Variants in PTGER3 observed in about 807,000 individuals in gnomAD.
PTGER3 encodes the protein prostaglandin E receptor 3, also known as prostaglandin E2 receptor EP3 subtype.
PTGER3 carries 22 observed loss-of-function variants against 34.7 expected under a neutral mutation model. That is an observed-to-expected ratio of 0.63 (90% confidence interval 0.45 to 0.91). The LOEUF is 0.91. Ranked by LOEUF, PTGER3 falls within the 40% of genes least tolerant of loss-of-function variation. PTGER3 has a pLI of 0.00. For missense variants in PTGER3, 468 were observed against 519.4 expected, an observed-to-expected ratio of 0.90 and a Z score of 0.96; for synonymous variants, 241 against 230.1, an observed-to-expected ratio of 1.05 and a Z score of -0.43.
intron 4 of PTGER3, among the ~76,000 whole-genome samples, chr1:70,894,866 C>T (rs999048147): frequency 5.3e-5 from 8 of 152,150 alleles, no homozygotes; most frequent in African/African-American, 1.9e-4. Flanking sequence ...AGCTGAATGG[C>T]AAAGTTGGGG....
At chr1:70,857,568 C>T (rs747281390) in intron 4 of PTGER3, among the ~76,000 whole-genome samples, 5 of 152,060 alleles carry the variant, frequency 3.3e-5, no homozygotes, top group Non-Finnish European at 5.9e-5. Flanking sequence ...CAGAGTCTCA[C>T]TCTGTCGCCC....
chr1:71,024,040 T>C lies in PTGER3; in HGVS notation c.898-11556A>G, dbSNP rs186701022. 1.8e-3 allele frequency among the ~76,000 whole-genome samples: 273 copies of C among 152,248 alleles called. 9 individuals are homozygous for C. Among genetic ancestry groups the C allele is most frequent in the African/African-American group, 6.3e-3 (261 of 41,508 alleles). On this transcript the variant is annotated intron_variant, in intron 1 of 3. Transcript: ENST00000306666. ...TTGCAAAGTCCTTCATTTATACACATTGCCCTGAGTATAAAGTCCAAACAC... is the reference window on the plus strand; with the variant it reads ...TTGCAAAGTCCTTCATTTATACACACTGCCCTGAGTATAAAGTCCAAACAC...
intron 2 of PTGER3, among the ~76,000 whole-genome samples, chr1:70,987,346 G>A (rs1028663664): frequency 1.3e-5 from 2 of 152,146 alleles, no homozygotes; most frequent in Non-Finnish European, 2.9e-5. Context: ...TCAGTAATAG[G>A]AGTCAATCAA....
chr1:71,002,707 T>A (rs1259498804), intron 2 of PTGER3, among the ~76,000 whole-genome samples: 1 of 152,234 alleles, frequency 6.6e-6, no homozygotes, highest in Non-Finnish European at 1.5e-5. Flanking sequence ...TATGCCAATA[T>A]TATTTCTCCA....
Position 71,012,393 on chromosome 1 carries a change from A to G in PTGER3, c.989T>C (p.Ile330Thr). The change falls in exon 2 of 4, where the codon ATA becomes ACA. Residue 330 changes from isoleucine to threonine, a missense_variant. Ile to Thr is a moderately conservative substitution (Grantham distance 89). Coordinates refer to ENST00000306666, the MANE Select transcript of PTGER3 (RefSeq NM_198719.2). ...GTTCAGTGAAGCCAGGCGAACAGCT[A>G]TTAAGAAGAAGTTGCATTCTTTCTG... ...EKQKECNFFL[I>T]AVRLASLNQI... The G allele has an allele frequency of 1.9e-6, 3 of 1,614,166 alleles. No individual in the cohort carries two copies. Among genetic ancestry groups the G allele is most frequent in the Non-Finnish European group, 2.5e-6 (3 of 1,180,024 alleles).
At chr1:70,883,182 T>G (rs1310327330) in intron 4 of PTGER3, among the ~76,000 whole-genome samples, 1 of 152,166 alleles carries the variant, frequency 6.6e-6, no homozygotes, top group Non-Finnish European at 1.5e-5. Context: ...TTGTTGAACA[T>G]GAGTATTTTT....
intron 4 of PTGER3, among the ~76,000 whole-genome samples, chr1:70,864,196 T>A (rs1645991424): frequency 6.6e-6 from 1 of 152,130 alleles, no homozygotes; most frequent in South Asian, 2.1e-4. Context: ...TAGTTTTTTT[T>A]TATATTAGTC....
chr1:71,020,006 C>T (rs576672468), intron 1 of PTGER3, among the ~76,000 whole-genome samples: 5 of 152,236 alleles, frequency 3.3e-5, no homozygotes, highest in Non-Finnish European at 7.4e-5. Context: ...TGGAAATTCC[C>T]CCCTATAATT....
intron 4 of PTGER3, among the ~76,000 whole-genome samples, chr1:70,872,599 C>A (rs2100549084): frequency 6.6e-6 from 1 of 152,248 alleles, no homozygotes; most frequent in East Asian, 1.9e-4. Context: ...GTAAGATGAC[C>A]AAAAGTTAAG....
intron 2 of PTGER3, among the ~76,000 whole-genome samples, chr1:71,004,622 A>T (rs982793352): frequency 1.3e-5 from 2 of 152,220 alleles, no homozygotes; most frequent in Non-Finnish European, 2.9e-5. Context: ...TAGAATTATA[A>T]CAGATTTTTT....
chr1:70,992,672 C>T (rs939550206), intron 2 of PTGER3, among the ~76,000 whole-genome samples: 1 of 152,164 alleles, frequency 6.6e-6, no homozygotes, highest in Non-Finnish European at 1.5e-5. Flanking sequence ...CCTAGTGTTA[C>T]AGAGAGAAAA....
chr1:70,956,077 A>T (rs1651301161), intron 2 of PTGER3, among the ~76,000 whole-genome samples: 1 of 152,156 alleles, frequency 6.6e-6, no homozygotes, highest in Non-Finnish European at 1.5e-5. Flanking sequence ...TTTTTGTATA[A>T]TTTTGAAGTC....
chr1:71,011,767 A>T, intron 2 of PTGER3: 33 of 987,842 alleles, frequency 3.3e-5, no homozygotes, highest in Non-Finnish European at 4.0e-5. Context: ...TAATGTAAGG[A>T]GGAAAAAAGT....
At chr1:70,977,401 G>A (rs766391426) in intron 2 of PTGER3, among the ~76,000 whole-genome samples, 1 of 151,968 alleles carries the variant, frequency 6.6e-6, no homozygotes, top group African/African-American at 2.4e-5. Flanking sequence ...CTTCCAGAAT[G>A]ACCCAGCTGT....
chr1:70,942,517 C>G (rs1649852670), intron 4 of PTGER3, among the ~76,000 whole-genome samples: 1 of 152,134 alleles, frequency 6.6e-6, no homozygotes, highest in African/African-American at 2.4e-5. Flanking sequence ...ATAAGCAATG[C>G]TCACTCTTGC....
At chr1:71,023,304 GA>G (rs1213239824) in intron 1 of PTGER3, among the ~76,000 whole-genome samples, 1 of 151,786 alleles carries the variant, frequency 6.6e-6, no homozygotes, top group Non-Finnish European at 1.5e-5. Context: ...CCTAATATTC[GA>G]GTCACCATTT....
intron 2 of PTGER3, among the ~76,000 whole-genome samples, chr1:71,004,727 G>A (rs190567589): frequency 2.0e-5 from 3 of 152,276 alleles, no homozygotes; most frequent in Non-Finnish European, 4.4e-5. Context: ...GAGATTGGAG[G>A]CATCAATAGA....
At chr1:71,011,429 G>A (rs193268244) in intron 2 of PTGER3, 1 of 985,252 alleles carries the variant, frequency 1.0e-6, no homozygotes, top group East Asian at 1.1e-4. Context: ...CCTATAGTTA[G>A]TGCTCAAATC....
At chr1:71,007,874 G>A (rs1412281454) in intron 2 of PTGER3, 7 of 985,124 alleles carry the variant, frequency 7.1e-6, no homozygotes, top group Non-Finnish European at 7.2e-6. Context: ...ATAATAACTT[G>A]AGAAGTGGAA....
Sources: allele counts gnomAD v4.1 joint callset (sites outside exome capture counted in the v4.1 genomes callset), GRCh38; gene constraint gnomAD v4.1.1; transcripts MANE v1.5; gene names NCBI Gene and HGNC (gene_info 2026-07-23, HGNC 2026-07-21).